SYNE3: variants seen among roughly 807,000 people sequenced by gnomAD.
The protein encoded by SYNE3 is spectrin repeat containing nuclear envelope family member 3, also known as nesprin-3.
A neutral mutation model predicts 111.2 loss-of-function variants in SYNE3; 100 were observed. The ratio of observed to expected loss-of-function variants is 0.90; its 90% confidence interval spans 0.77 to 1.06. The LOEUF (loss-of-function observed/expected upper bound fraction) is 1.06, where lower values mean the gene tolerates loss of function less well. Ranked by LOEUF, SYNE3 falls within the 50% of genes least tolerant of loss-of-function variation. The probability of loss-of-function intolerance (pLI) is 0.00; values close to 1 mark genes in which losing one functional copy is unlikely to be tolerated. For synonymous variants in SYNE3, 547 were observed against 533.9 expected (o/e 1.02, Z -0.34); for missense variants, 1,160 against 1,240.3 (o/e 0.94, Z 0.97).
At position 95,423,166 on chromosome 14, in the gene SYNE3, G is replaced by T. The variant is rs144255609; in HGVS notation, c.2728-5140C>A. Among the ~76,000 whole-genome samples the T allele has an allele frequency of 2.1e-3, 313 of 152,330 alleles. 1 individual carries two copies. The highest frequency in any genetic ancestry group is 6.7e-3 in the African/African-American group (280 of 41,582). Reference sequence around the variant, plus strand: ...GACACAGAGATGTATTTTTTCAGTTGATTTTGGAGAGGGAGAGGGATGGGA... The same window carrying T: ...GACACAGAGATGTATTTTTTCAGTTTATTTTGGAGAGGGAGAGGGATGGGA... On this transcript the variant is annotated intron_variant, in intron 17 of 17. Coordinates refer to ENST00000682763, the MANE Select transcript of SYNE3 (RefSeq NM_152592.6).
chr14:95,472,715 C>G (rs1376722356), intron 2 of SYNE3, among the ~76,000 whole-genome samples: 1 of 152,196 alleles, frequency 6.6e-6, no homozygotes, highest in African/African-American at 2.4e-5. Flanking sequence ...GGCCTGCAGA[C>G]CCAGTAGCCA....
chr14:95,475,952 CCAGTTGGGCAATA>C, intron 1 of SYNE3, 117 bp from the exon 2 acceptor site: 1 of 1,074,794 alleles, frequency 9.3e-7, no homozygotes, highest in Non-Finnish European at 1.2e-6. Context: ...CCTGGTGCTC[CCAGTTGGGCAATA>C]TGGCCAGAGG....
At chr14:95,425,661 T>C (rs775323813) in intron 17 of SYNE3, among the ~76,000 whole-genome samples, 2 of 152,168 alleles carry the variant, frequency 1.3e-5, no homozygotes, top group Non-Finnish European at 2.9e-5. Flanking sequence ...TAATGTAAGA[T>C]GTTAATTAAT....
At chr14:95,510,698 G>A (rs566849811) in intron 1 of SYNE3, among the ~76,000 whole-genome samples, 1 of 152,290 alleles carries the variant, frequency 6.6e-6, no homozygotes, top group East Asian at 1.9e-4. Flanking sequence ...TGAGGCAGGA[G>A]AATTGCTTGA....
chr14:95,495,366 T>C (rs116600419), intron 1 of SYNE3, among the ~76,000 whole-genome samples: 1,792 of 152,332 alleles, frequency 0.012, 36 homozygotes, highest in African/African-American at 0.041. Context: ...TGTCTCCTGC[T>C]CTGGGTTCAT....
intron 17 of SYNE3, among the ~76,000 whole-genome samples, chr14:95,423,863 G>T (rs1203282161): frequency 2.6e-5 from 2 of 76,278 alleles, no homozygotes; most frequent in African/African-American, 1.0e-4. Context: ...ATGGGGATGG[G>T]GATTTGATGG....
At chr14:95,425,229 G>C (rs1369478010) in intron 17 of SYNE3, among the ~76,000 whole-genome samples, 3 of 145,400 alleles carry the variant, frequency 2.1e-5, no homozygotes, top group East Asian at 2.0e-4. Context: ...CTGGGCAACA[G>C]AGTGAGACTC....
At chr14:95,426,085 G>A (rs537161131) in intron 17 of SYNE3, among the ~76,000 whole-genome samples, 13 of 152,324 alleles carry the variant, frequency 8.5e-5, no homozygotes, top group Admixed American at 5.9e-4. Context: ...ACAGAAAGAC[G>A]AAGAAATAGA....
At chr14:95,479,045 T>A (rs1263662504) in intron 1 of SYNE3, among the ~76,000 whole-genome samples, 1 of 151,988 alleles carries the variant, frequency 6.6e-6, no homozygotes, top group Non-Finnish European at 1.5e-5. Context: ...TCACTTAACC[T>A]CTCTGGGTGT....
intron 1 of SYNE3, among the ~76,000 whole-genome samples, chr14:95,488,750 G>A (rs1322268803): frequency 2.0e-5 from 3 of 149,472 alleles, no homozygotes. Flanking sequence ...GGAGAGGAGA[G>A]GAGGGACTGC....
At chr14:95,508,560 C>T (rs1398191726) in intron 1 of SYNE3, among the ~76,000 whole-genome samples, 2 of 152,256 alleles carry the variant, frequency 1.3e-5, no homozygotes, top group African/African-American at 2.4e-5. Flanking sequence ...ATAAGTGCCA[C>T]TGCGTGGGCA....
At chr14:95,449,856 T>TG (rs1168184337) in intron 8 of SYNE3, 75 bp downstream of exon 8, 1 of 1,508,694 alleles carries the variant, frequency 6.6e-7, no homozygotes, top group Non-Finnish European at 8.9e-7. Flanking sequence ...GACCTTCCCC[T>TG]GGGAGAGAGA....
chr14:95,499,783 C>G (rs1890254647), intron 1 of SYNE3, among the ~76,000 whole-genome samples: 1 of 151,734 alleles, frequency 6.6e-6, no homozygotes. Context: ...TTAAATTGTC[C>G]TCATTCTGCT....
intron 2 of SYNE3, among the ~76,000 whole-genome samples, chr14:95,469,876 TTGATGATGACGA>T (rs144355638): frequency 0.085 from 12,979 of 152,090 alleles, 691 homozygotes; most frequent in Non-Finnish European, 0.12. Flanking sequence ...ACAATAATCG[TTGATGATGACGA>T]TGATGATGAC....
chr14:95,480,878 C>T (rs565992052), intron 1 of SYNE3, among the ~76,000 whole-genome samples: 13 of 152,354 alleles, frequency 8.5e-5, no homozygotes, highest in East Asian at 1.9e-4. Flanking sequence ...CCTGGCATCC[C>T]GGTCTGAAAG....
intron 1 of SYNE3, among the ~76,000 whole-genome samples, chr14:95,483,979 C>T (rs1394851369): frequency 6.6e-6 from 1 of 152,206 alleles, no homozygotes; most frequent in African/African-American, 2.4e-5. Context: ...CTGTCACAGA[C>T]CGGTGGTGTC....
In SYNE3 at chr14:95,466,356, G is replaced by A. The variant is rs970665098; in HGVS notation, c.318-116C>T. The A allele has an allele frequency of 5.6e-6, 7 of 1,243,444 alleles. No individual in the cohort carries two copies. The African/African-American group carries it at 1.1e-4, about 19-fold the overall frequency. The allele number at this position is 1,243,444 out of a possible 1,614,324, so 77.0% of individuals were successfully genotyped here. ...GGGGGCTGTGGTCTGGGGGCATGATGATGCCCTTTCTGGCCTCTGAGTCAC... is the reference window on the plus strand; with the variant it reads ...GGGGGCTGTGGTCTGGGGGCATGATAATGCCCTTTCTGGCCTCTGAGTCAC... On this transcript the variant is annotated intron_variant, in intron 3 of 17. Coordinates refer to ENST00000682763, the MANE Select transcript of SYNE3 (RefSeq NM_152592.6).
chr14:95,494,591 T>G (rs751450695), intron 1 of SYNE3, among the ~76,000 whole-genome samples: 2 of 152,060 alleles, frequency 1.3e-5, no homozygotes, highest in African/African-American at 4.8e-5. Context: ...TTTTACTCTG[T>G]GGGCAATAGG....
chr14:95,421,129 G>C (rs1342665861), intron 17 of SYNE3, among the ~76,000 whole-genome samples: 1 of 152,246 alleles, frequency 6.6e-6, no homozygotes, highest in South Asian at 2.1e-4. Context: ...GTGGAACTGT[G>C]AGTTCATTAA....
Sources: gnomAD v4.1 joint callset for allele counts (sites outside exome capture counted in the v4.1 genomes callset) on GRCh38, gnomAD v4.1.1 for gene constraint, MANE v1.5 for transcripts, NCBI Gene and HGNC (gene_info 2026-07-23, HGNC 2026-07-21) for gene names.